The following RALGAPA2 variants were observed in gnomAD, a reference collection of about 807,000 sequenced individuals.
The protein encoded by RALGAPA2 is ral GTPase-activating protein subunit alpha-2.
RALGAPA2 carries 139 observed loss-of-function variants against 230.4 expected under a neutral mutation model. The observed-to-expected ratio is 0.60, with a 90% CI of 0.53 to 0.69. The LOEUF (loss-of-function observed/expected upper bound fraction) is 0.69. Ranked by LOEUF, RALGAPA2 falls within the 30% of genes least tolerant of loss-of-function variation. The pLI is 0.00. For synonymous variants in RALGAPA2, 847 were observed against 837.8 expected (o/e 1.01, Z -0.19); for missense variants, 2,163 against 2,276.0 (o/e 0.95, Z 1.01).
rs570324133 is a variant in RALGAPA2, at chr20:20,508,360, A to C, written c.4929-2826T>G. On this transcript the variant is annotated intron_variant, in intron 33 of 39. Coordinates refer to ENST00000202677, the MANE Select transcript of RALGAPA2 (RefSeq NM_020343.4). ...AGAAACACACATACATGAAATTAAC[A>C]ATCTTCCCTTCCTCATTAGAATGCA... 4.6e-4 allele frequency among the ~76,000 whole-genome samples: 70 copies of C among 152,352 alleles called. 1 individual carries two copies. The highest frequency in any genetic ancestry group is 1.6e-3 in the African/African-American group (66 of 41,580).
intron 37 of RALGAPA2, chr20:20,471,203 G>A (rs938855005): frequency 6.6e-6 from 1 of 152,064 alleles, no homozygotes; most frequent in African/African-American, 2.4e-5. Flanking sequence ...AAGTGATTCT[G>A]AATAGTATCC....
intron 3 of RALGAPA2, chr20:20,659,831 G>T: frequency 1.3e-6 from 1 of 755,854 alleles, no homozygotes; most frequent in Non-Finnish European, 2.2e-6. Flanking sequence ...CAGAGCAGCA[G>T]CAAGAGGAAA....
intron 4 of RALGAPA2, among the ~76,000 whole-genome samples, chr20:20,644,035 A>G (rs2067128455): frequency 6.6e-6 from 1 of 152,180 alleles, no homozygotes; most frequent in South Asian, 2.1e-4. Flanking sequence ...GGCAGAATCA[A>G]GGCTGACTCG....
chr20:20,408,485 G>T (rs532549010), intron 38 of RALGAPA2, among the ~76,000 whole-genome samples: 3 of 152,268 alleles, frequency 2.0e-5, no homozygotes, highest in East Asian at 3.9e-4. Flanking sequence ...AAAAAGCAAA[G>T]ATTTACACTA....
intron 36 of RALGAPA2, among the ~76,000 whole-genome samples, chr20:20,486,721 G>A (rs1304626883): frequency 6.6e-6 from 1 of 151,972 alleles, no homozygotes; most frequent in East Asian, 1.9e-4. Flanking sequence ...TACATCTTTT[G>A]TGATTGTCAC....
intron 16 of RALGAPA2, 84 bp from the exon 17 acceptor site, chr20:20,591,398 A>G (rs1880242460): frequency 2.3e-5 from 32 of 1,411,860 alleles, no homozygotes; most frequent in South Asian, 4.1e-5. Context: ...GATTTAAAAA[A>G]TAAAGTTTCA....
At chr20:20,635,970 T>G (rs1433541147) in intron 8 of RALGAPA2, among the ~76,000 whole-genome samples, 4 of 152,244 alleles carry the variant, frequency 2.6e-5, no homozygotes, top group Non-Finnish European at 5.9e-5. Context: ...ATTTTATAGC[T>G]GGAACAAATG....
At chr20:20,427,552 G>A (rs1157787915) in intron 37 of RALGAPA2, among the ~76,000 whole-genome samples, 1 of 152,000 alleles carries the variant, frequency 6.6e-6, no homozygotes, top group African/African-American at 2.4e-5. Context: ...CCCTGGTCCT[G>A]GTGCCCCGTT....
chr20:20,524,438 C>T lies in RALGAPA2; in HGVS notation c.3868G>A (p.Ala1290Thr), dbSNP rs776382086. 24 of 1,613,670 alleles carry T rather than the reference C, an allele frequency of 1.5e-5. No homozygotes were observed. The highest frequency in any genetic ancestry group is 3.3e-5 in the Admixed American group (2 of 59,974). Reference sequence around the variant, plus strand: ...ATATAATCCAGCAAGGGGGCTCTGGCCGAATGCTGCTCCTCTAGGACTGCT... The same window carrying T: ...ATATAATCCAGCAAGGGGGCTCTGGTCGAATGCTGCTCCTCTAGGACTGCT... ...STAVLEEQHS[A>T]RAPLLDYIYR... Residue 1290 changes from alanine (A) to threonine (T), a missense_variant, in exon 30 of 40, where the codon GCC (alanine) becomes ACC (threonine). By Grantham distance (58) the Ala-to-Thr change is moderately conservative. Coordinates refer to ENST00000202677, the MANE Select transcript of RALGAPA2 (RefSeq NM_020343.4).
At chr20:20,659,686 A>T in intron 3 of RALGAPA2, 1 of 409,618 alleles carries the variant, frequency 2.4e-6, no homozygotes, top group Non-Finnish European at 4.6e-6. Context: ...AAATAATCTG[A>T]ATGGCAACAG....
chr20:20,582,912 T>C, intron 20 of RALGAPA2, 138 bp downstream of exon 20: 1 of 842,856 alleles, frequency 1.2e-6, no homozygotes, highest in Non-Finnish European at 1.8e-6. Flanking sequence ...CACTTCCTCC[T>C]ATGGTGGACA....
intron 10 of RALGAPA2, among the ~76,000 whole-genome samples, chr20:20,628,185 T>C (rs1373806396): frequency 1.3e-5 from 2 of 152,200 alleles, no homozygotes; most frequent in African/African-American, 4.8e-5. Context: ...TGTGACTTTG[T>C]TTTTGGTTGA....
At position 20,565,748 on chromosome 20, in the gene RALGAPA2, A is replaced by AT. The variant is rs1401128339; in HGVS notation, c.3156+5709dup. 3.3e-5 allele frequency among the ~76,000 whole-genome samples: 5 copies of AT among 152,248 alleles called. No homozygotes were observed. The East Asian group carries it at 9.6e-4, about 29-fold the overall frequency. On this transcript the variant is annotated intron_variant, in intron 23 of 39. Transcript: ENST00000202677. ...ATTGCCTACAAAATAAGTGGCTAAA[A>AT]TTTTAAAAATACAAAAATTAAATTA...
chr20:20,698,273 ATT>A (rs202132751), intron 1 of RALGAPA2, among the ~76,000 whole-genome samples: 33 of 142,490 alleles, frequency 2.3e-4, no homozygotes, highest in East Asian at 6.1e-4. Context: ...CTTTTAAATG[ATT>A]TTTTTTTTTT....
rs148458549 is a variant in RALGAPA2 at position 20,619,585 on chromosome 20, C to T, written c.1402-171G>A. Among the ~76,000 whole-genome samples, 1,068 of 152,294 alleles carry T rather than the reference C, an allele frequency of 7.0e-3. 7 individuals carry two copies. The highest frequency in any genetic ancestry group is 0.023 in the African/African-American group (972 of 41,554). On this transcript the variant is annotated intron_variant, in intron 11 of 39. Transcript: ENST00000202677. ...AAAATAGGTTCTAGGAGGTAGAGAG[C>T]TCCCCACTCAACCGTCAACACCTAA...
intron 32 of RALGAPA2, among the ~76,000 whole-genome samples, chr20:20,511,605 G>A (rs992664624): frequency 3.3e-5 from 5 of 152,140 alleles, no homozygotes; most frequent in African/African-American, 1.2e-4. Flanking sequence ...TGTTTCCAGT[G>A]TCAGCTCTGC....
intron 36 of RALGAPA2, among the ~76,000 whole-genome samples, chr20:20,480,277 AG>A (rs2123461422): frequency 6.6e-6 from 1 of 152,338 alleles, no homozygotes; most frequent in Non-Finnish European, 1.5e-5. Flanking sequence ...CCTTACAGCA[AG>A]ATATATCCCA....
At chr20:20,551,688 G>A (rs1240783929) in intron 23 of RALGAPA2, among the ~76,000 whole-genome samples, 1 of 152,138 alleles carries the variant, frequency 6.6e-6, no homozygotes, top group African/African-American at 2.4e-5. Flanking sequence ...TGAATGCTAT[G>A]TACACAGTAA....
At chr20:20,638,757 T>C (rs1469230043) in intron 7 of RALGAPA2, among the ~76,000 whole-genome samples, 1 of 152,224 alleles carries the variant, frequency 6.6e-6, no homozygotes, top group African/African-American at 2.4e-5. Flanking sequence ...TATGAAAGCA[T>C]GCCCCAGTCA....
Sources: gnomAD v4.1 joint callset for allele counts (sites outside exome capture counted in the v4.1 genomes callset) on GRCh38, gnomAD v4.1.1 for gene constraint, MANE v1.5 for transcripts, NCBI Gene and HGNC (gene_info 2026-07-23, HGNC 2026-07-21) for gene names.